SPOCK3: variants seen among roughly 807,000 people sequenced by gnomAD.
SPOCK3 encodes the protein testican-3.
In SPOCK3, 30 loss-of-function variants were observed where a neutral mutation model predicts 56.6. The ratio of observed to expected loss-of-function variants is 0.53; its 90% confidence interval spans 0.40 to 0.72. The LOEUF is 0.72. SPOCK3 is among the 30% of genes least tolerant of loss of function. The pLI, the probability that SPOCK3 is intolerant of heterozygous loss-of-function variation, is 0.00. For synonymous variants in SPOCK3, 196 were observed against 183.3 expected (o/e 1.07, Z -0.56); for missense variants, 527 against 530.0 (o/e 0.99, Z 0.06).
chr4:167,151,644 C>A (rs993034740), intron 2 of SPOCK3, among the ~76,000 whole-genome samples: 2 of 151,832 alleles, frequency 1.3e-5, no homozygotes, highest in African/African-American at 4.8e-5. Flanking sequence ...ACTATGTTAG[C>A]CAGGATGGTC....
At chr4:166,840,194 G>A (rs377373680) in intron 6 of SPOCK3, among the ~76,000 whole-genome samples, 4 of 152,046 alleles carry the variant, frequency 2.6e-5, no homozygotes, top group East Asian at 1.9e-4. Context: ...ATTGACACTT[G>A]AGTGTAGGGA....
At chr4:166,834,218 CTT>C (rs1024249960) in intron 6 of SPOCK3, among the ~76,000 whole-genome samples, 11 of 152,122 alleles carry the variant, frequency 7.2e-5, no homozygotes, top group Non-Finnish European at 1.5e-4. Context: ...TGCAAACTCT[CTT>C]TGTTTCTGTG....
At chr4:166,991,185 C>A (rs192159412) in intron 4 of SPOCK3, among the ~76,000 whole-genome samples, 236 of 151,856 alleles carry the variant, frequency 1.6e-3, no homozygotes, top group African/African-American at 5.5e-3. Flanking sequence ...TCCTTTAATT[C>A]ACCACTATTT....
chr4:167,170,109 A>G (rs952154091), intron 2 of SPOCK3, among the ~76,000 whole-genome samples: 1 of 152,190 alleles, frequency 6.6e-6, no homozygotes, highest in Non-Finnish European at 1.5e-5. Flanking sequence ...ATATTTAATA[A>G]TGGTAGAATA....
At chr4:166,996,188 CT>C (rs1438484544) in intron 4 of SPOCK3, among the ~76,000 whole-genome samples, 3 of 152,040 alleles carry the variant, frequency 2.0e-5, no homozygotes, top group Non-Finnish European at 2.9e-5. Context: ...CTTCCTTATT[CT>C]TTTTTTTCTT....
At chr4:167,069,309 C>G (rs1398295546) in intron 2 of SPOCK3, among the ~76,000 whole-genome samples, 2 of 151,878 alleles carry the variant, frequency 1.3e-5, no homozygotes, top group Middle Eastern at 3.2e-3. Context: ...TCTATATCCC[C>G]AGCAGGGCTA....
intron 2 of SPOCK3, among the ~76,000 whole-genome samples, chr4:167,186,086 T>C (rs978218282): frequency 1.4e-4 from 21 of 152,152 alleles, no homozygotes; most frequent in Non-Finnish European, 2.9e-4. Flanking sequence ...GAAGAATAAT[T>C]TAGAAGACTC....
In SPOCK3 at chr4:167,104,689, G is replaced by A. The variant is rs1759942513; in HGVS notation, c.190-42152C>T. Among the ~76,000 whole-genome samples, 3 of 151,982 alleles carry A rather than the reference G, an allele frequency of 2.0e-5. No homozygotes were observed. The South Asian group carries it at 6.2e-4, about 31-fold the overall frequency. ...AAGTTTATTGAAAGGAATAATAACG[G>A]AGAAAATTCCCAAACCTAGGGAAAG... On this transcript the variant is annotated intron_variant, in intron 2 of 10. Coordinates refer to ENST00000357545, the MANE Select transcript of SPOCK3 (RefSeq NM_001040159.2).
intron 2 of SPOCK3, among the ~76,000 whole-genome samples, chr4:167,066,483 T>A (rs1756147496): frequency 6.6e-6 from 1 of 151,870 alleles, no homozygotes; most frequent in African/African-American, 2.4e-5. Flanking sequence ...TGAATCAAAA[T>A]ATCTTACAAC....
intron 4 of SPOCK3, among the ~76,000 whole-genome samples, chr4:166,973,592 A>T (rs929606340): frequency 6.6e-6 from 1 of 152,192 alleles, no homozygotes; most frequent in Admixed American, 6.5e-5. Context: ...AAATATAATT[A>T]GTATGAAATA....
intron 8 of SPOCK3, among the ~76,000 whole-genome samples, chr4:166,743,034 A>T (rs1735065037): frequency 6.6e-6 from 1 of 152,082 alleles, no homozygotes; most frequent in Non-Finnish European, 1.5e-5. Flanking sequence ...GAGTGACTTG[A>T]TTTTGGTGTT....
chr4:167,233,068 G>T (rs1439045889), intron 2 of SPOCK3, among the ~76,000 whole-genome samples: 1 of 152,156 alleles, frequency 6.6e-6, no homozygotes, highest in Non-Finnish European at 1.5e-5. Context: ...CGTTTTAAAG[G>T]GTGGGCTAGG....
rs555369121 is a variant in SPOCK3, at chr4:166,784,492, C to T, written c.709+7678G>A. Reference sequence around the variant, plus strand: ...CACAGAATAAAAGAGAATAAAATGCCAGATGTCTCAATAATTAGAACCAAA... The same window carrying T: ...CACAGAATAAAAGAGAATAAAATGCTAGATGTCTCAATAATTAGAACCAAA... On this transcript the variant is annotated intron_variant, in intron 7 of 10. Coordinates refer to ENST00000357545, the MANE Select transcript of SPOCK3 (RefSeq NM_001040159.2). Among the ~76,000 whole-genome samples the T allele has an allele frequency of 2.6e-5, 4 of 151,936 alleles. No individual in the cohort carries two copies. In the South Asian group the frequency reaches 8.3e-4, roughly 32 times the overall value.
intron 3 of SPOCK3, among the ~76,000 whole-genome samples, chr4:167,038,794 CAATT>C (rs1441472541): frequency 2.0e-5 from 3 of 151,462 alleles, no homozygotes; most frequent in Admixed American, 6.6e-5. Flanking sequence ...GTAAAAGTTA[CAATT>C]AATATATACT....
chr4:167,066,551 A>G (rs1756154929), intron 2 of SPOCK3, among the ~76,000 whole-genome samples: 3 of 151,928 alleles, frequency 2.0e-5, no homozygotes, highest in Admixed American at 2.0e-4. Context: ...AAGTATATTA[A>G]ACATTCAATT....
chr4:167,077,387 A>G (rs1428555301), intron 2 of SPOCK3, among the ~76,000 whole-genome samples: 1 of 151,828 alleles, frequency 6.6e-6, no homozygotes, highest in Non-Finnish European at 1.5e-5. Flanking sequence ...CCAAATGAAA[A>G]GTGTAGAAAT....
intron 3 of SPOCK3, among the ~76,000 whole-genome samples, chr4:167,007,675 C>A (rs892271835): frequency 1.3e-5 from 2 of 151,986 alleles, no homozygotes; most frequent in Non-Finnish European, 2.9e-5. Flanking sequence ...GTAGAAAATC[C>A]TTTTCTTCTT....
intron 2 of SPOCK3, among the ~76,000 whole-genome samples, chr4:167,103,983 C>A (rs779994397): frequency 2.6e-5 from 4 of 152,138 alleles, no homozygotes; most frequent in Non-Finnish European, 5.9e-5. Flanking sequence ...CCCAAGACCA[C>A]CAAGGCAGTA....
intron 3 of SPOCK3, chr4:167,011,385 T>C (rs1750048977): frequency 7.0e-6 from 3 of 428,842 alleles, no homozygotes; most frequent in Non-Finnish European, 1.4e-5. Context: ...TTTCCTTTTC[T>C]ATTCTGTAGT....
Sources: gnomAD v4.1 joint callset for allele counts (sites outside exome capture counted in the v4.1 genomes callset) on GRCh38, gnomAD v4.1.1 for gene constraint, MANE v1.5 for transcripts, NCBI Gene and HGNC (gene_info 2026-07-23, HGNC 2026-07-21) for gene names.